Variants in JMJD1C observed in about 807,000 individuals in gnomAD.
The protein encoded by JMJD1C is jumonji domain-containing protein 1C.
A neutral mutation model predicts 245.3 loss-of-function variants in JMJD1C; 31 were observed. The ratio of observed to expected loss-of-function variants is 0.13; its 90% CI spans 0.09 to 0.17. JMJD1C has a LOEUF of 0.17. Among genes scored for constraint, JMJD1C ranks in the 10% least tolerant of loss-of-function variants. The pLI, the probability that JMJD1C is intolerant of heterozygous loss-of-function variation, is 1.00. For missense variants in JMJD1C, 2,691 were observed against 3,000.2 expected (o/e 0.90, Z 2.41); for synonymous variants, 1,057 against 1,017.4 (o/e 1.04, Z -0.74).
In JMJD1C at chr10:63,286,200, T is replaced by A. The variant is rs900422139; in HGVS notation, c.334-21436A>T. On this transcript the variant is annotated intron_variant, in intron 2 of 25. Transcript: ENST00000399262. ...TTAAGAATCTGACGAAAGCTGTAGCTCCAAAAGAAACATGAGACACACACT... is the reference window on the plus strand; with the variant it reads ...TTAAGAATCTGACGAAAGCTGTAGCACCAAAAGAAACATGAGACACACACT... 3.3e-5 allele frequency among the ~76,000 whole-genome samples: 5 copies of A among 152,168 alleles called. No homozygotes were observed. In the South Asian group the frequency reaches 1.0e-3, roughly 32 times the overall value.
chr10:63,312,570 T>C (rs539931239), intron 2 of JMJD1C, among the ~76,000 whole-genome samples: 1 of 152,326 alleles, frequency 6.6e-6, no homozygotes, highest in Admixed American at 6.5e-5. Context: ...AATTTCTTTC[T>C]TACAAGGATT....
intron 3 of JMJD1C, among the ~76,000 whole-genome samples, chr10:63,242,682 C>T (rs113882062): frequency 6.6e-6 from 1 of 152,116 alleles, no homozygotes; most frequent in East Asian, 1.9e-4. Flanking sequence ...AGCGAGACCA[C>T]GCCACTGCAC....
chr10:63,384,690 G>A (rs1268621366), intron 1 of JMJD1C, among the ~76,000 whole-genome samples: 1 of 152,128 alleles, frequency 6.6e-6, no homozygotes, highest in African/African-American at 2.4e-5. Context: ...ATAATTCTTA[G>A]GGGCCCTAGG....
chr10:63,213,026 A>C (rs1847548191), intron 8 of JMJD1C, among the ~76,000 whole-genome samples: 2 of 151,168 alleles, frequency 1.3e-5, no homozygotes, highest in Non-Finnish European at 2.9e-5. Flanking sequence ...TCTCTACTAA[A>C]AATACAAAAA....
At chr10:63,286,578 C>A (rs936714012) in intron 2 of JMJD1C, among the ~76,000 whole-genome samples, 1 of 152,188 alleles carries the variant, frequency 6.6e-6, no homozygotes, top group African/African-American at 2.4e-5. Context: ...TTACCAAGAG[C>A]TTACATTGGA....
intron 1 of JMJD1C, among the ~76,000 whole-genome samples, chr10:63,428,396 CA>C (rs759557551): frequency 1.9e-4 from 29 of 152,252 alleles, no homozygotes; most frequent in Non-Finnish European, 3.1e-4. Flanking sequence ...ACAAAGATTA[CA>C]AAAGACTCAT....
At chr10:63,511,977 A>T (rs1054964189) in intron 1 of JMJD1C, among the ~76,000 whole-genome samples, 2 of 152,100 alleles carry the variant, frequency 1.3e-5, no homozygotes, top group African/African-American at 4.8e-5. Context: ...TGCAATAAAC[A>T]CTTACAACTC....
At chr10:63,275,897 ATCT>A (rs1427279046) in intron 2 of JMJD1C, among the ~76,000 whole-genome samples, 5 of 152,186 alleles carry the variant, frequency 3.3e-5, no homozygotes, top group Non-Finnish European at 7.3e-5. Context: ...TTATTTAATA[ATCT>A]TCTCATGTTC....
At chr10:63,305,946 A>G (rs918733462) in intron 2 of JMJD1C, among the ~76,000 whole-genome samples, 69 of 151,884 alleles carry the variant, frequency 4.5e-4, no homozygotes, top group African/African-American at 1.5e-3. Flanking sequence ...CTGGAATCAA[A>G]CTTCTGGGCA....
rs183349720 is a variant in JMJD1C, at chr10:63,391,414, G to A, written c.169-10932C>T. 2.0e-3 allele frequency among the ~76,000 whole-genome samples: 306 copies of A among 152,184 alleles called. 5 individuals are homozygous for A. The East Asian group carries it at 0.024, about 12-fold the overall frequency. ...AGTCCCAGCCACTTGGGAGGCTGAG[G>A]CAGGAGAATGGTGTGAACTCGGGAG... On this transcript the variant is annotated intron_variant, in intron 1 of 25. Coordinates refer to ENST00000399262, the MANE Select transcript of JMJD1C (RefSeq NM_032776.3).
chr10:63,229,990 G>T lies in JMJD1C; in HGVS notation c.448-10007C>A, dbSNP rs1849767081. On this transcript the variant is annotated intron_variant, in intron 3 of 25. Coordinates refer to ENST00000399262, the MANE Select transcript of JMJD1C (RefSeq NM_032776.3). ...TTCATCAGATATGGAGGCCTAAGTG[G>T]AATTGGTAACTTGAAGTGAACCTTA... Among the ~76,000 whole-genome samples, 2 of 152,172 alleles carry T rather than the reference G, an allele frequency of 1.3e-5. 1 individual carries two copies. Among genetic ancestry groups the T allele is most frequent in the South Asian group, 4.1e-4 (2 of 4,826 alleles).
intron 22 of JMJD1C, among the ~76,000 whole-genome samples, chr10:63,179,641 C>T (rs919868677): frequency 3.3e-5 from 5 of 151,762 alleles, no homozygotes; most frequent in Admixed American, 2.0e-4. Context: ...GGCATGGTGG[C>T]GCCTGTCTGT....
intron 1 of JMJD1C, among the ~76,000 whole-genome samples, chr10:63,429,962 G>C (rs939182264): frequency 2.0e-5 from 3 of 151,934 alleles, no homozygotes; most frequent in African/African-American, 4.8e-5. Flanking sequence ...CTTATCTAAG[G>C]ACTAAAAACT....
chr10:63,176,650 A>T (rs1589054722), intron 23 of JMJD1C, 177 bp from the exon 24 acceptor site: 1 of 596,352 alleles, frequency 1.7e-6, no homozygotes, highest in Non-Finnish European at 2.9e-6. Context: ...AAAGCCAAAG[A>T]ATATTAAAAC....
intron 1 of JMJD1C, among the ~76,000 whole-genome samples, chr10:63,453,228 T>C (rs1952182204): frequency 6.6e-6 from 1 of 152,200 alleles, no homozygotes; most frequent in Non-Finnish European, 1.5e-5. Flanking sequence ...TGAGCCGAGA[T>C]GGCGCCACTG....
At chr10:63,428,251 T>C (rs1370543033) in intron 1 of JMJD1C, among the ~76,000 whole-genome samples, 3 of 152,224 alleles carry the variant, frequency 2.0e-5, no homozygotes, top group Non-Finnish European at 4.4e-5. Flanking sequence ...TTTGCAAATG[T>C]ATATACTTAA....
In JMJD1C at chr10:63,345,488, C is replaced by CAA. The variant is rs34551660; in HGVS notation, c.333+34828_333+34829dup. On this transcript the variant is annotated intron_variant, in intron 2 of 25. Transcript: ENST00000399262. ...GGGGAACAAGAGTGAGACTTTGTCT[C>CAA]AAAAAAAAAAAAAAAAACAAAAAAA... Among the ~76,000 whole-genome samples, 516 of 100,360 alleles carry CAA rather than the reference C, an allele frequency of 5.1e-3. 7 individuals carry two copies. The highest frequency in any genetic ancestry group is 0.017 in the African/African-American group (439 of 25,494). 65.8% of individuals were successfully genotyped at this position (100,360 alleles called of 152,430 possible).
At chr10:63,290,830 T>C (rs1858581564) in intron 2 of JMJD1C, among the ~76,000 whole-genome samples, 1 of 152,174 alleles carries the variant, frequency 6.6e-6, no homozygotes, top group Admixed American at 6.5e-5. Flanking sequence ...AAATTTAAAT[T>C]TCTTCATGAA....
At chr10:63,174,168 G>A (rs11818204) in intron 24 of JMJD1C, among the ~76,000 whole-genome samples, 254 of 152,190 alleles carry the variant, frequency 1.7e-3, no homozygotes, top group African/African-American at 5.6e-3. Context: ...AGTATCACCA[G>A]GCAATCCCAC....
Sources: allele counts gnomAD v4.1 joint callset (sites outside exome capture counted in the v4.1 genomes callset), GRCh38; gene constraint gnomAD v4.1.1; transcripts MANE v1.5; gene names NCBI Gene and HGNC (gene_info 2026-07-23, HGNC 2026-07-21).